ZNF408: variants seen among roughly 807,000 people sequenced by gnomAD.
ZNF408 encodes the protein zinc finger protein 408.
A neutral mutation model predicts 27.6 loss-of-function variants in ZNF408; 24 were observed. The ratio of observed to expected loss-of-function variants is 0.87; its 90% confidence interval spans 0.63 to 1.22. The LOEUF (loss-of-function observed/expected upper bound fraction) is 1.22. Among genes scored for constraint, ZNF408 ranks in the 50% most tolerant of loss-of-function variants. The pLI is 0.00. For missense variants in ZNF408, 897 were observed against 949.0 expected, an observed-to-expected ratio of 0.95 and a Z score of 0.72; for synonymous variants, 410 against 396.1, an observed-to-expected ratio of 1.04 and a Z score of -0.42.
At position 46,705,530 on chromosome 11, in the gene ZNF408, C is replaced by G. The variant is rs1470231189; in HGVS notation, c.1830C>G (p.Pro610=). ...TGGAGGACAAGCCCTACCGCTGCCC[C>G]ACCTGTGGCATGGGCTACACCCTCC... The part of the protein sequence containing the change: ...SHLEDKPYRC[P]TCGMGYTLPQ... Residue 610 remains proline, a synonymous_variant, in exon 5 of 5, where the codon CCC becomes CCG. Transcript: ENST00000311764. The surrounding 1 kb of genome is among the most constrained non-coding windows in gnomAD (Gnocchi z 6.5). 2 of 1,604,762 alleles carry G rather than the reference C, an allele frequency of 1.2e-6. No homozygotes were observed. The highest frequency in any genetic ancestry group is 8.5e-7 in the Non-Finnish European group (1 of 1,179,980).
At chr11:46,701,980 T>A in intron 2 of ZNF408, 1 of 281,598 alleles carries the variant, frequency 3.6e-6, no homozygotes, top group Non-Finnish European at 6.6e-6. Flanking sequence ...TTAAATTACG[T>A]GCCGCATTTA....
chr11:46,702,899 C>T, intron 3 of ZNF408, 85 bp from the exon 4 acceptor site: 1 of 1,598,202 alleles, frequency 6.3e-7, no homozygotes, highest in Middle Eastern at 1.8e-4. Flanking sequence ...TCCTTTAGGA[C>T]CCAGACTGCT....
At position 46,704,648 on chromosome 11, in the gene ZNF408, C is replaced by T. The variant is rs1460672799; in HGVS notation, c.948C>T (p.Cys316=). 1 of 1,613,776 alleles carries T rather than the reference C, an allele frequency of 6.2e-7. No individual in the cohort carries two copies. Residue 316 remains cysteine, a synonymous_variant, in exon 5 of 5, where the codon TGC becomes TGT. Coordinates refer to ENST00000311764, the MANE Select transcript of ZNF408 (RefSeq NM_024741.3). ...AKKLHSPSDQ[C]PPRAKTPEPG... is the part of the protein sequence containing the mutation. The stretch of plus-strand genomic sequence containing the variant: ...AGTTACACAGCCCCAGTGATCAGTG[C>T]CCACCCAGAGCAAAGACCCCAGAGC...
intron 3 of ZNF408, 31 bp from the exon 4 acceptor site, chr11:46,702,953 T>C (rs2134507444): frequency 6.2e-7 from 1 of 1,611,904 alleles, no homozygotes; most frequent in Non-Finnish European, 8.5e-7. Context: ...ATAGTGAGCA[T>C]CTCCTAGCTG....
At chr11:46,702,377 G>A (rs1305248044) in intron 2 of ZNF408, among the ~76,000 whole-genome samples, 1 of 152,206 alleles carries the variant, frequency 6.6e-6, no homozygotes, top group Non-Finnish European at 1.5e-5. Flanking sequence ...TTACAGGTGT[G>A]AGCCCCCGCG....
intron 4 of ZNF408, among the ~76,000 whole-genome samples, chr11:46,703,761 G>GTTTTT (rs1489418102): frequency 1.2e-5 from 1 of 80,176 alleles, no homozygotes; most frequent in African/African-American, 4.8e-5. Flanking sequence ...TGTTGTTGTT[G>GTTTTT]TTGTTGTTGT....
At chr11:46,703,586 C>T (rs2064726737) in intron 4 of ZNF408, among the ~76,000 whole-genome samples, 1 of 151,948 alleles carries the variant, frequency 6.6e-6, no homozygotes, top group Admixed American at 6.6e-5. Flanking sequence ...ATATTTGCAA[C>T]TTTTACCTTC....
In ZNF408 at chr11:46,704,408, A is replaced by C. The variant is rs762216600; in HGVS notation, c.708A>C (p.Gly236=). 1.2e-6 allele frequency: 2 copies of C among 1,613,498 alleles called. No individual in the cohort carries two copies. The highest frequency in any genetic ancestry group is 1.7e-5 in the Admixed American group (1 of 59,962). Residue 236 remains glycine, a synonymous_variant, in exon 5 of 5, where the codon GGA becomes GGC. Transcript: ENST00000311764. The part of the protein sequence containing the change: ...GIQAENMVSP[G]LKFPTQDRIS... ...AGGCAGAGAATATGGTGAGCCCTGG[A>C]CTTAAGTTCCCAACCCAGGACCGAA... is the stretch of plus-strand genomic sequence containing the variant.
Position 46,705,289 on chromosome 11 carries a change from C to T in ZNF408, c.1589C>T (p.Ala530Val), listed in dbSNP as rs549763290. 10 of 1,612,042 alleles carry T rather than the reference C, an allele frequency of 6.2e-6. No individual in the cohort carries two copies. The South Asian group carries it at 1.1e-4, about 18-fold the overall frequency. ...CGTCCTTACCGCTGCCCACACTGTG[C>T]CGATGCCTTCCCCCAGCTGCCTGAA... ...GERPYRCPHC[A>V]DAFPQLPELR... Residue 530 changes from alanine to valine, a missense_variant, in exon 5 of 5, where the codon GCC becomes GTC. By Grantham distance (64) the Ala-to-Val change is moderately conservative (BLOSUM62 0). Transcript: ENST00000311764. This position sits in a 1 kb window ranked among gnomAD's most constrained non-coding sequence, Gnocchi z 6.5.
intron 4 of ZNF408, among the ~76,000 whole-genome samples, chr11:46,703,772 T>G (rs1257115022): frequency 5.0e-5 from 7 of 140,578 alleles, no homozygotes; most frequent in South Asian, 2.3e-4. Flanking sequence ...TTGTTGTTGT[T>G]TTTTTTTTTT....
chr11:46,701,551 A>G lies in ZNF408; in HGVS notation c.205A>G (p.Lys69Glu). The change falls in exon 2 of 5, where the codon AAG becomes GAG. Residue 69 changes from lysine to glutamate, a missense_variant. Transcript: ENST00000311764. Reference protein sequence around the residue: ...RGLALGPSLAKEQRLGVWCVG... With the variant: ...RGLALGPSLAEEQRLGVWCVG... ...CTTGGCCCTTGGCCCCTCACTCGCC[A>G]AGGAACAGCGCTTGGGGGTCTGGTG... is the stretch of plus-strand genomic sequence containing the variant. 1 of 1,613,486 alleles carries G rather than the reference A, an allele frequency of 6.2e-7. No individual in the cohort carries two copies. Among genetic ancestry groups the G allele is most frequent in the Non-Finnish European group, 8.5e-7 (1 of 1,179,964 alleles).
At position 46,704,931 on chromosome 11, in the gene ZNF408, T is replaced by G; in HGVS notation, c.1231T>G (p.Cys411Gly). ...LGHRGVRPFP[C>G]PQCDKAYGTQ... ...CCACCGTGGGGTGCGGCCCTTCCCC[T>G]GTCCACAATGCGACAAGGCCTATGG... The change falls in exon 5 of 5, where the codon TGT (cysteine) becomes GGT (glycine). Residue 411 changes from cysteine (C) to glycine (G), a missense_variant. Coordinates refer to ENST00000311764, the MANE Select transcript of ZNF408 (RefSeq NM_024741.3). 6.2e-7 allele frequency: 1 copy of G among 1,613,484 alleles called. No homozygotes were observed. The highest frequency in any genetic ancestry group is 1.3e-5 in the African/African-American group (1 of 75,046).
In ZNF408 at chr11:46,701,111, G is replaced by C; in HGVS notation, c.52+12G>C. On this transcript the variant is annotated intron_variant, in intron 1 of 4. Coordinates refer to ENST00000311764, the MANE Select transcript of ZNF408 (RefSeq NM_024741.3). Reference sequence around the variant, plus strand: ...GGCGCTGCAACTCGGTGAGTGACCTGCGATGTCCGCGACCCTCAACCTTGG... The same window carrying C: ...GGCGCTGCAACTCGGTGAGTGACCTCCGATGTCCGCGACCCTCAACCTTGG... 1 of 1,614,106 alleles carries C rather than the reference G, an allele frequency of 6.2e-7. No homozygotes were observed. Among genetic ancestry groups the C allele is most frequent in the Non-Finnish European group, 8.5e-7 (1 of 1,180,008 alleles).
At position 46,705,566 on chromosome 11, in the gene ZNF408, C is replaced by T. The variant is rs946171919; in HGVS notation, c.1866C>T (p.Leu622=). 2.5e-6 allele frequency: 4 copies of T among 1,606,506 alleles called. No homozygotes were observed. The highest frequency in any genetic ancestry group is 4.5e-5 in the East Asian group (2 of 44,886). ...CGMGYTLPQS[L]RRHQLSHRPE... The stretch of plus-strand genomic sequence containing the variant: ...TGGGCTACACCCTCCCGCAGAGCCT[C>T]AGGCGGCATCAGCTCAGTCACCGGC... Residue 622 remains leucine (L), a synonymous_variant, in exon 5 of 5, where the codon CTC becomes CTT. Coordinates refer to ENST00000311764, the MANE Select transcript of ZNF408 (RefSeq NM_024741.3). This position sits in a 1 kb window ranked among gnomAD's most constrained non-coding sequence, Gnocchi z 6.5.
In ZNF408 at chr11:46,704,884, G is replaced by T; in HGVS notation, c.1184G>T (p.Ser395Ile). ...GGCAAGAGCTATAGCTCAGAGGAGAGCTTCAAAGCCCATATGCTGGGCCAC... is the reference window on the plus strand; with the variant it reads ...GGCAAGAGCTATAGCTCAGAGGAGATCTTCAAAGCCCATATGCTGGGCCAC... The part of the protein sequence containing the change: ...ECGKSYSSEE[S>I]FKAHMLGHRG... Residue 395 changes from serine to isoleucine, a missense_variant, in exon 5 of 5, where the codon AGC becomes ATC. Physicochemically the swap from Ser to Ile is moderately radical, Grantham distance 142 (BLOSUM62 -2). Coordinates refer to ENST00000311764, the MANE Select transcript of ZNF408 (RefSeq NM_024741.3). 6.2e-7 allele frequency: 1 copy of T among 1,609,988 alleles called. No individual in the cohort carries two copies. Among genetic ancestry groups the T allele is most frequent in the Non-Finnish European group, 8.5e-7 (1 of 1,177,960 alleles).
rs774012371 is a variant in ZNF408 at position 46,705,486 on chromosome 11, C to T, written c.1786C>T (p.Arg596Cys). 2.3e-5 allele frequency: 37 copies of T among 1,606,042 alleles called. No homozygotes were observed. Among genetic ancestry groups the T allele is most frequent in the Non-Finnish European group, 2.7e-5 (32 of 1,179,960 alleles). Reference protein sequence around the residue: ...RAYTLATKLRRHLKSHLEDKP... With the variant: ...RAYTLATKLRCHLKSHLEDKP... ...TTACACGCTGGCCACCAAGCTGCGGCGCCACCTCAAATCTCACTTGGAGGA... is the reference window on the plus strand; with the variant it reads ...TTACACGCTGGCCACCAAGCTGCGGTGCCACCTCAAATCTCACTTGGAGGA... Residue 596 changes from arginine to cysteine, a missense_variant, in exon 5 of 5, where the codon CGC becomes TGC. Transcript: ENST00000311764. This position sits in a 1 kb window ranked among gnomAD's most constrained non-coding sequence, Gnocchi z 6.5.
chr11:46,701,486 C>G lies in ZNF408; in HGVS notation c.140C>G (p.Pro47Arg), dbSNP rs749209470. 6.2e-7 allele frequency: 1 copy of G among 1,614,070 alleles called. No homozygotes were observed. The highest frequency in any genetic ancestry group is 1.6e-4 in the Middle Eastern group (1 of 6,062). Residue 47 changes from proline (P) to arginine (R), a missense_variant, in exon 2 of 5, where the codon CCG (proline) becomes CGG (arginine). Physicochemically the swap from Pro to Arg is moderately radical, Grantham distance 103. Coordinates refer to ENST00000311764, the MANE Select transcript of ZNF408 (RefSeq NM_024741.3). ...GGCCTCAAAGACGTCCCACCCGAGC[C>G]GACCCGAGACATCCTCGCTTTAAAG... Reference protein sequence around the residue: ...TQGLKDVPPEPTRDILALKSL... With the variant: ...TQGLKDVPPERTRDILALKSL...
Position 46,705,509 on chromosome 11 carries a change from G to T in ZNF408, c.1809G>T (p.Glu603Asp). The T allele has an allele frequency of 6.2e-7, 1 of 1,605,290 alleles. No homozygotes were observed. The change falls in exon 5 of 5, where the codon GAG becomes GAT. Residue 603 changes from glutamate (E) to aspartate (D), a missense_variant. By Grantham distance (45) the Glu-to-Asp change is conservative. Transcript: ENST00000311764. This position sits in a 1 kb window ranked among gnomAD's most constrained non-coding sequence, Gnocchi z 6.5. ...KLRRHLKSHL[E>D]DKPYRCPTCG... ...GGCGCCACCTCAAATCTCACTTGGA[G>T]GACAAGCCCTACCGCTGCCCCACCT...
At chr11:46,701,253 C>T (rs1565693222) in intron 1 of ZNF408, 146 bp from the exon 2 acceptor site, 1 of 1,557,616 alleles carries the variant, frequency 6.4e-7, no homozygotes, top group Non-Finnish European at 8.8e-7. Context: ...CCTTGAGCCT[C>T]CTCAAAACTT....
Sources: allele counts gnomAD v4.1 joint callset (sites outside exome capture counted in the v4.1 genomes callset), GRCh38; gene constraint gnomAD v4.1.1; non-coding constraint Gnocchi (gnomAD v3.1); transcripts MANE v1.5; gene names NCBI Gene and HGNC (gene_info 2026-07-23, HGNC 2026-07-21).